HMBOX1: variants seen among roughly 807,000 people sequenced by gnomAD.
HMBOX1 encodes homeobox containing 1, also known as homeobox-containing protein 1.
A neutral mutation model predicts 54.5 loss-of-function variants in HMBOX1; 14 were observed. The ratio of observed to expected loss-of-function variants is 0.26; its 90% CI spans 0.17 to 0.40. HMBOX1 has a LOEUF of 0.40. HMBOX1 is among the 10% of genes least tolerant of loss of function. The pLI is 1.00. For missense variants in HMBOX1, 332 were observed against 514.4 expected (o/e 0.65, Z 3.43); for synonymous variants, 160 against 181.0 (o/e 0.88, Z 0.93).
intron 6 of HMBOX1, among the ~76,000 whole-genome samples, chr8:29,026,379 A>G (rs1410693909): frequency 6.6e-6 from 1 of 151,966 alleles, no homozygotes; most frequent in Non-Finnish European, 1.5e-5. Flanking sequence ...TGGGTGGGGG[A>G]TGTGATGGCT....
At chr8:28,914,297 A>G (rs1477969032) in intron 1 of HMBOX1, among the ~76,000 whole-genome samples, 1 of 152,162 alleles carries the variant, frequency 6.6e-6, no homozygotes, top group Non-Finnish European at 1.5e-5. Context: ...ATAAACCTGC[A>G]TTGTCAAAGA....
chr8:28,944,383 G>T (rs1460524889), intron 1 of HMBOX1, among the ~76,000 whole-genome samples: 1 of 152,130 alleles, frequency 6.6e-6, no homozygotes, highest in Non-Finnish European at 1.5e-5. Flanking sequence ...TCTAGAGTCT[G>T]GTCATTATTT....
chr8:29,032,076 GGGAAT>G lies in HMBOX1; in HGVS notation c.851+13165_851+13169del, dbSNP rs551476100. Among the ~76,000 whole-genome samples, 80 of 152,316 alleles carry G rather than the reference GGGAAT, an allele frequency of 5.3e-4. 2 individuals carry two copies. The East Asian group carries it at 0.012, about 23-fold the overall frequency. On this transcript the variant is annotated intron_variant, in intron 6 of 9. Transcript: ENST00000287701. The stretch of plus-strand genomic sequence containing the variant: ...TGAGTGAGTAGGTTGCAGCCAGATT[GGGAAT>G]GACCTTACATTGCGACATTTGCAAC...
chr8:28,968,945 G>A lies in HMBOX1; in HGVS notation c.24-1098G>A, dbSNP rs1249469502. Reference sequence around the variant, plus strand: ...TCCCAGCACTTTGGGAGGCCGAGGCGGGCGAATCACCTGAGGTCAGGAGTT... The same window carrying A: ...TCCCAGCACTTTGGGAGGCCGAGGCAGGCGAATCACCTGAGGTCAGGAGTT... On this transcript the variant is annotated intron_variant, in intron 2 of 9. Transcript: ENST00000287701. Among the ~76,000 whole-genome samples the A allele has an allele frequency of 7.2e-5, 11 of 152,112 alleles. No homozygotes were observed. In the East Asian group the frequency reaches 1.5e-3, roughly 21 times the overall value.
Position 29,047,630 on chromosome 8 carries a change from C to A in HMBOX1, c.1030+177C>A, listed in dbSNP as rs372189957. ...TTGCCCAGGCTGGAGTGCAGTGGCG[C>A]GATGTTGGCTGACTGCAACCTCTGC... On this transcript the variant is annotated intron_variant, in intron 8 of 9. Transcript: ENST00000287701. Among the ~76,000 whole-genome samples, 3 of 147,064 alleles carry A rather than the reference C, an allele frequency of 2.0e-5. No homozygotes were observed. In the Admixed American group the frequency reaches 2.1e-4, roughly 10 times the overall value.
rs551860582 is a variant in HMBOX1, at chr8:28,891,843, G to A, written c.-58+1165G>A. 4.6e-5 allele frequency: 7 copies of A among 152,344 alleles called. No individual in the cohort carries two copies. The South Asian group carries it at 1.5e-3, about 32-fold the overall frequency. 9.4% of individuals were successfully genotyped at this position (152,344 alleles called of 1,614,324 possible). A position where few individuals can be genotyped will look rare whatever the true frequency, so the allele number is the denominator to read the frequency against. ...ATTAAAGATAACACTATGTAAAGTT[G>A]AATGGTATAAAGTGATTACTGTTTT... On this transcript the variant is annotated intron_variant, in intron 1 of 9. Coordinates refer to ENST00000287701, the MANE Select transcript of HMBOX1 (RefSeq NM_001135726.3).
chr8:28,944,631 A>G (rs1313453484), intron 1 of HMBOX1, among the ~76,000 whole-genome samples: 3 of 152,068 alleles, frequency 2.0e-5, no homozygotes, highest in Non-Finnish European at 4.4e-5. Flanking sequence ...TCCTTATTTT[A>G]TTTTTTAGAA....
At chr8:28,921,739 GC>G (rs1243027450) in intron 1 of HMBOX1, among the ~76,000 whole-genome samples, 2 of 152,158 alleles carry the variant, frequency 1.3e-5, no homozygotes, top group African/African-American at 4.8e-5. Flanking sequence ...GACATAGGAA[GC>G]TTATAAAAAT....
chr8:29,017,424 C>T (rs1385107512), intron 5 of HMBOX1, among the ~76,000 whole-genome samples: 1 of 152,152 alleles, frequency 6.6e-6, no homozygotes, highest in African/African-American at 2.4e-5. Flanking sequence ...CTGTGAGGAG[C>T]CGTCTTTGAA....
chr8:28,971,178 G>C (rs1827356455), intron 3 of HMBOX1, among the ~76,000 whole-genome samples: 2 of 144,110 alleles, frequency 1.4e-5, no homozygotes, highest in African/African-American at 5.2e-5. Flanking sequence ...CACAATCTCT[G>C]CCTTTCCAGG....
chr8:28,985,363 A>G (rs921908605), intron 4 of HMBOX1, among the ~76,000 whole-genome samples: 2 of 152,204 alleles, frequency 1.3e-5, no homozygotes, highest in Non-Finnish European at 2.9e-5. Context: ...TTCAACTCAC[A>G]TCACCTAATC....
intron 3 of HMBOX1, among the ~76,000 whole-genome samples, chr8:28,976,695 CTTTTCTTTT>C (rs1315069255): frequency 6.0e-5 from 9 of 149,310 alleles, no homozygotes; most frequent in Admixed American, 2.7e-4. Context: ...TATTTCTTTT[CTTTTCTTTT>C]TTTTCTTTTT....
intron 4 of HMBOX1, among the ~76,000 whole-genome samples, chr8:29,002,916 T>G (rs1033647090): frequency 6.6e-6 from 1 of 152,188 alleles, no homozygotes; most frequent in Non-Finnish European, 1.5e-5. Context: ...CTCTTAATTT[T>G]TCCCCTTTCA....
chr8:29,011,662 A>T (rs1834239342), intron 5 of HMBOX1, among the ~76,000 whole-genome samples: 1 of 152,220 alleles, frequency 6.6e-6, no homozygotes, highest in African/African-American at 2.4e-5. Context: ...GTGGAATACT[A>T]ACTACAGGAG....
At chr8:28,898,248 G>T (rs7009398) in intron 1 of HMBOX1, among the ~76,000 whole-genome samples, 9 of 151,598 alleles carry the variant, frequency 5.9e-5, no homozygotes, top group Non-Finnish European at 7.4e-5. Context: ...ATTAAAAAAA[G>T]ACAAAGTTTA....
intron 1 of HMBOX1, among the ~76,000 whole-genome samples, chr8:28,952,871 T>A (rs933065180): frequency 6.6e-6 from 1 of 152,260 alleles, no homozygotes; most frequent in African/African-American, 2.4e-5. Flanking sequence ...GATGCTTGAC[T>A]TCTTGCACAG....
intron 1 of HMBOX1, among the ~76,000 whole-genome samples, chr8:28,916,372 A>G (rs1816549926): frequency 6.6e-6 from 1 of 152,224 alleles, no homozygotes; most frequent in Admixed American, 6.5e-5. Flanking sequence ...ATAACCCAGG[A>G]TCACAAATCC....
intron 6 of HMBOX1, among the ~76,000 whole-genome samples, chr8:29,040,399 C>G (rs1804639639): frequency 6.6e-6 from 1 of 152,008 alleles, no homozygotes; most frequent in African/African-American, 2.4e-5. Context: ...TCTTTTCTCA[C>G]AAAAAAGTTT....
intron 1 of HMBOX1, among the ~76,000 whole-genome samples, chr8:28,905,230 T>TTTG (rs577367151): frequency 4.6e-5 from 7 of 152,212 alleles, no homozygotes; most frequent in South Asian, 4.1e-4. Context: ...TGAAGGGTTT[T>TTTG]TTGTTGTTGT....
Sources: allele counts gnomAD v4.1 joint callset (sites outside exome capture counted in the v4.1 genomes callset), GRCh38; gene constraint gnomAD v4.1.1; transcripts MANE v1.5; gene names NCBI Gene and HGNC (gene_info 2026-07-23, HGNC 2026-07-21).